FLYWCH1: variants seen among roughly 807,000 people sequenced by gnomAD.
FLYWCH1 encodes the protein FLYWCH-type zinc finger-containing protein 1.
In FLYWCH1, 75 loss-of-function variants were observed where a neutral mutation model predicts 66.4. That is an observed-to-expected ratio of 1.13 (90% CI 0.94 to 1.37). FLYWCH1 has a LOEUF of 1.37. Among genes scored for constraint, FLYWCH1 ranks in the 40% most tolerant of loss-of-function variants. The probability of loss-of-function intolerance (pLI) is 0.00; values close to 1 mark genes in which losing one functional copy is unlikely to be tolerated. For synonymous variants in FLYWCH1, 595 were observed against 429.9 expected, an observed-to-expected ratio of 1.38 and a Z score of -4.75; for missense variants, 1,334 against 1,001.8, an observed-to-expected ratio of 1.33 and a Z score of -4.48.
intron 4 of FLYWCH1, among the ~76,000 whole-genome samples, chr16:2,932,804 C>T (rs1300936669): frequency 2.0e-5 from 3 of 151,954 alleles, no homozygotes; most frequent in South Asian, 4.2e-4. Flanking sequence ...AACCTTGATG[C>T]AACATTGAGC....
intron 8 of FLYWCH1, 58 bp from the exon 9 acceptor site, chr16:2,939,974 C>T (rs2071193000): frequency 2.6e-6 from 4 of 1,545,608 alleles, no homozygotes; most frequent in African/African-American, 1.4e-5. Flanking sequence ...GTCCTTGGTT[C>T]TGTCAGCTTC....
intron 4 of FLYWCH1, 96 bp downstream of exon 4, chr16:2,930,976 T>A: frequency 1.1e-6 from 1 of 924,744 alleles, no homozygotes; most frequent in Non-Finnish European, 1.6e-6. Flanking sequence ...CCACAGGGTC[T>A]TTTAAAATGT....
At chr16:2,943,956 T>G (rs560502914) in intron 9 of FLYWCH1, among the ~76,000 whole-genome samples, 2 of 151,934 alleles carry the variant, frequency 1.3e-5, no homozygotes, top group Admixed American at 6.6e-5. Context: ...ATTTAAAAAT[T>G]AGCTGTGTGT....
At chr16:2,945,363 G>A (rs981021758) in intron 9 of FLYWCH1, among the ~76,000 whole-genome samples, 2 of 151,866 alleles carry the variant, frequency 1.3e-5, no homozygotes, top group African/African-American at 2.4e-5. Flanking sequence ...GCGTGTGCCT[G>A]TAATCCCAGC....
chr16:2,939,902 G>T, intron 8 of FLYWCH1, 130 bp from the exon 9 acceptor site: 2 of 1,051,830 alleles, frequency 1.9e-6, no homozygotes, highest in Non-Finnish European at 2.7e-6. Flanking sequence ...TGAATTCCCA[G>T]CGTTGCTTCA....
chr16:2,937,688 C>T (rs1276702544), intron 7 of FLYWCH1, among the ~76,000 whole-genome samples: 5 of 152,156 alleles, frequency 3.3e-5, no homozygotes, highest in South Asian at 2.1e-4. Flanking sequence ...ACGGGCCGTA[C>T]GGTGGATCCT....
At chr16:2,923,055 G>A (rs893089377) in intron 2 of FLYWCH1, 10 of 422,956 alleles carry the variant, frequency 2.4e-5, no homozygotes, top group African/African-American at 2.1e-4. Context: ...TGTGTGTGTG[G>A]CTGTTGTGCG....
chr16:2,927,407 A>T (rs2070608967), intron 2 of FLYWCH1, among the ~76,000 whole-genome samples: 4 of 152,212 alleles, frequency 2.6e-5, no homozygotes, highest in African/African-American at 9.6e-5. Flanking sequence ...TGAAAATGTT[A>T]AAAGACATGA....
chr16:2,944,489 T>C (rs2071399410), intron 9 of FLYWCH1, among the ~76,000 whole-genome samples: 1 of 152,164 alleles, frequency 6.6e-6, no homozygotes, highest in African/African-American at 2.4e-5. Flanking sequence ...ACTATACTTT[T>C]TATCATTACT....
At chr16:2,930,131 C>A in intron 3 of FLYWCH1, 121 bp downstream of exon 3, 1 of 921,780 alleles carries the variant, frequency 1.1e-6, no homozygotes, top group Non-Finnish European at 1.6e-6. Flanking sequence ...GCCTCTTGGT[C>A]TCTGATCCTG....
At chr16:2,946,717 G>A (rs1016189530) in intron 9 of FLYWCH1, among the ~76,000 whole-genome samples, 9 of 152,122 alleles carry the variant, frequency 5.9e-5, no homozygotes, top group African/African-American at 2.2e-4. Context: ...TTTCTGCCAT[G>A]AATTCAAAGA....
rs750370733 is a variant in FLYWCH1, at chr16:2,948,809, TG to T, written c.*84del. ...CAGGCACTTCCCATCCACCTAGGTTTGGCTTAGCAGAAACTTCTTTTCATTC... is the reference window on the plus strand; with the variant it reads ...CAGGCACTTCCCATCCACCTAGGTTTGCTTAGCAGAAACTTCTTTTCATTC... On this transcript the variant is annotated 3_prime_UTR_variant, in exon 10 of 10. Coordinates refer to ENST00000253928, the MANE Select transcript of FLYWCH1 (RefSeq NM_001308068.2). The T allele has an allele frequency of 1.5e-6, 2 of 1,311,332 alleles. No homozygotes were observed. Among genetic ancestry groups the T allele is most frequent in the South Asian group, 2.4e-5 (2 of 83,940 alleles). The allele number at this position is 1,311,332 out of a possible 1,614,324, so 81.2% of individuals were successfully genotyped here.
At chr16:2,941,075 G>C (rs1292703549) in intron 9 of FLYWCH1, among the ~76,000 whole-genome samples, 2 of 152,164 alleles carry the variant, frequency 1.3e-5, no homozygotes, top group African/African-American at 2.4e-5. Context: ...CTCCAGCCTA[G>C]GTGACAAACA....
Position 2,934,389 on chromosome 16 carries a change from G to A in FLYWCH1, c.1513+410G>A, listed in dbSNP as rs150151682. Among the ~76,000 whole-genome samples the A allele has an allele frequency of 9.5e-4, 144 of 152,306 alleles. 2 individuals are homozygous for A. In the East Asian group the frequency reaches 0.026, roughly 27 times the overall value. On this transcript the variant is annotated intron_variant, in intron 6 of 9. Coordinates refer to ENST00000253928, the MANE Select transcript of FLYWCH1 (RefSeq NM_001308068.2). ...AGGTGATATTTACTTACATGCAGCC[G>A]GTTTCTCCTCTCGGCCCGCTGTTCC...
intron 6 of FLYWCH1, 124 bp downstream of exon 6, chr16:2,934,103 A>G (rs1264103007): frequency 8.2e-7 from 1 of 1,223,718 alleles, no homozygotes; most frequent in Non-Finnish European, 1.1e-6. Context: ...ACATCCTAGA[A>G]GGAACTATGG....
chr16:2,930,923 G>A lies in FLYWCH1; in HGVS notation c.796+43G>A, dbSNP rs778611898. 6 of 1,455,332 alleles carry A rather than the reference G, an allele frequency of 4.1e-6. No homozygotes were observed. The Admixed American group carries it at 1.1e-4, about 27-fold the overall frequency. The allele number at this position is 1,455,332 out of a possible 1,614,324, so 90.2% of individuals were successfully genotyped here. A position where few individuals can be genotyped will look rare whatever the true frequency, so the allele number is the denominator to read the frequency against. ...CCCTGCTGCGTCCACTCGGGGCAGGGGACCCGAGGGCCCTTCCTCAGCCCA... is the reference window on the plus strand; with the variant it reads ...CCCTGCTGCGTCCACTCGGGGCAGGAGACCCGAGGGCCCTTCCTCAGCCCA... On this transcript the variant is annotated intron_variant, in intron 4 of 9. Coordinates refer to ENST00000253928, the MANE Select transcript of FLYWCH1 (RefSeq NM_001308068.2).
intron 9 of FLYWCH1, among the ~76,000 whole-genome samples, chr16:2,942,176 A>C (rs1168687858): frequency 6.6e-6 from 1 of 152,118 alleles, no homozygotes; most frequent in Non-Finnish European, 1.5e-5. Context: ...AATAAAGATG[A>C]GACCTTACTA....
intron 3 of FLYWCH1, 102 bp from the exon 4 acceptor site, chr16:2,930,308 G>A: frequency 1.4e-6 from 1 of 719,082 alleles, no homozygotes; most frequent in East Asian, 2.8e-5. Flanking sequence ...GGAGGAGAAG[G>A]CACCTGCCAT....
intron 1 of FLYWCH1, among the ~76,000 whole-genome samples, chr16:2,912,822 C>A (rs1395542302): frequency 6.6e-6 from 1 of 152,164 alleles, no homozygotes; most frequent in Non-Finnish European, 1.5e-5. Context: ...GCCTGTTGTT[C>A]CTTTATTCCT....
Sources: gnomAD v4.1 joint callset for allele counts (sites outside exome capture counted in the v4.1 genomes callset) on GRCh38, gnomAD v4.1.1 for gene constraint, MANE v1.5 for transcripts, NCBI Gene and HGNC (gene_info 2026-07-23, HGNC 2026-07-21) for gene names.